The following GMDS variants were observed in gnomAD, a reference collection of about 807,000 sequenced individuals.
GMDS encodes the protein GDP-mannose 4,6-dehydratase, also known as GDP-mannose 4,6 dehydratase.
GMDS carries 20 observed loss-of-function variants against 49.9 expected under a neutral mutation model. The observed-to-expected ratio is 0.40, with a 90% CI of 0.28 to 0.58. The LOEUF is 0.58. Among genes scored for constraint, GMDS ranks in the 20% least tolerant of loss-of-function variants. The pLI is 0.42. For synonymous variants in GMDS, 177 were observed against 178.6 expected (o/e 0.99, Z 0.07); for missense variants, 362 against 481.4 (o/e 0.75, Z 2.32).
At chr6:2,029,625 T>C (rs1218575894) in intron 4 of GMDS, among the ~76,000 whole-genome samples, 2 of 152,202 alleles carry the variant, frequency 1.3e-5, no homozygotes, top group Non-Finnish European at 2.9e-5. Flanking sequence ...TTTGCTCATT[T>C]TACAAGACTT....
chr6:1,743,737 A>AT (rs11458257), intron 7 of GMDS, among the ~76,000 whole-genome samples: 61,585 of 145,894 alleles, frequency 0.42, 13,447 homozygotes, highest in East Asian at 0.65. Context: ...CACCTTAAAG[A>AT]TTTTTTTTTT....
At chr6:1,964,210 T>C (rs1239094218) in intron 4 of GMDS, among the ~76,000 whole-genome samples, 2 of 152,242 alleles carry the variant, frequency 1.3e-5, no homozygotes, top group East Asian at 3.8e-4. Context: ...AAAATATTTT[T>C]AGGTATAAGT....
At chr6:2,081,663 A>G (rs1256803240) in intron 4 of GMDS, among the ~76,000 whole-genome samples, 1 of 152,120 alleles carries the variant, frequency 6.6e-6, no homozygotes, top group African/African-American at 2.4e-5. Flanking sequence ...GCCACACTCT[A>G]TGCTACCACA....
chr6:1,802,562 G>T (rs1004637045), intron 7 of GMDS, among the ~76,000 whole-genome samples: 1 of 152,218 alleles, frequency 6.6e-6, no homozygotes, highest in Non-Finnish European at 1.5e-5. Context: ...GAAAGGGAGA[G>T]GGCAGGCAGG....
At chr6:1,821,085 A>G (rs1032744132) in intron 7 of GMDS, among the ~76,000 whole-genome samples, 1 of 152,228 alleles carries the variant, frequency 6.6e-6, no homozygotes, top group Non-Finnish European at 1.5e-5. Flanking sequence ...GGATGCATAT[A>G]CTGCAACCAA....
Position 1,632,960 on chromosome 6 carries a change from T to C in GMDS, c.988-8420A>G, listed in dbSNP as rs79025597. On this transcript the variant is annotated intron_variant, in intron 9 of 10. Coordinates refer to ENST00000380815, the MANE Select transcript of GMDS (RefSeq NM_001500.4). Reference sequence around the variant, plus strand: ...GGAATCACAACGTGGCTCAACCACTTAACTCTTTCTTAATAACTCTGAGAT... The same window carrying C: ...GGAATCACAACGTGGCTCAACCACTCAACTCTTTCTTAATAACTCTGAGAT... Among the ~76,000 whole-genome samples the C allele has an allele frequency of 1.8e-4, 28 of 152,314 alleles. 1 individual carries two copies. In the East Asian group the frequency reaches 5.2e-3, roughly 28 times the overall value.
At chr6:1,876,216 C>T (rs1759051036) in intron 7 of GMDS, among the ~76,000 whole-genome samples, 1 of 151,454 alleles carries the variant, frequency 6.6e-6, no homozygotes, top group Admixed American at 6.6e-5. Context: ...CGAGATCGCA[C>T]CACTGCACTC....
intron 9 of GMDS, among the ~76,000 whole-genome samples, chr6:1,707,012 T>G (rs142606421): frequency 5.8e-4 from 88 of 152,334 alleles, no homozygotes; most frequent in African/African-American, 2.1e-3. Flanking sequence ...TCCTAACTTA[T>G]AGCCTTCCGA....
At chr6:1,982,272 T>C (rs1370613446) in intron 4 of GMDS, among the ~76,000 whole-genome samples, 3 of 152,066 alleles carry the variant, frequency 2.0e-5, no homozygotes, top group African/African-American at 4.8e-5. Context: ...CTCACAGCCA[T>C]TATCATACTG....
intron 9 of GMDS, among the ~76,000 whole-genome samples, chr6:1,630,498 G>T (rs547104563): frequency 6.6e-6 from 1 of 152,338 alleles, no homozygotes; most frequent in African/African-American, 2.4e-5. Flanking sequence ...GTCCAGCCCT[G>T]TGCAACTTTG....
At chr6:1,838,359 C>T (rs1418292266) in intron 7 of GMDS, among the ~76,000 whole-genome samples, 1 of 152,180 alleles carries the variant, frequency 6.6e-6, no homozygotes, top group Non-Finnish European at 1.5e-5. Flanking sequence ...GTAGTTCTCT[C>T]AAACACTAGC....
intron 7 of GMDS, among the ~76,000 whole-genome samples, chr6:1,851,499 G>A (rs569130960): frequency 1.3e-5 from 2 of 152,222 alleles, no homozygotes; most frequent in Admixed American, 1.3e-4. Context: ...GCAGGGATTT[G>A]TTTCTTTCCT....
intron 6 of GMDS, chr6:1,949,152 A>G (rs1298098509): frequency 3.6e-6 from 1 of 277,176 alleles, no homozygotes; most frequent in African/African-American, 2.3e-5. Flanking sequence ...TATGAAATAA[A>G]TCTTCAAAAT....
At position 2,025,873 on chromosome 6, in the gene GMDS, GATT is replaced by G. The variant is rs370769728; in HGVS notation, c.346-64910_346-64908del. Among the ~76,000 whole-genome samples the G allele has an allele frequency of 4.8e-3, 723 of 152,156 alleles. 8 individuals are homozygous for G. The highest frequency in any genetic ancestry group is 0.037 in the Middle Eastern group (11 of 294). On this transcript the variant is annotated intron_variant, in intron 4 of 10. Transcript: ENST00000380815. ...CCTGAATAATCAGCTCTGTAAATTA[GATT>G]ATTCTAACAGTCACATGGCAAATTA...
At chr6:2,159,894 C>T (rs2127544480) in intron 1 of GMDS, among the ~76,000 whole-genome samples, 1 of 152,060 alleles carries the variant, frequency 6.6e-6, no homozygotes, top group African/African-American at 2.4e-5. Context: ...AAACATCTTC[C>T]AATATATTTA....
At chr6:1,980,721 C>T (rs1191646141) in intron 4 of GMDS, among the ~76,000 whole-genome samples, 1 of 152,112 alleles carries the variant, frequency 6.6e-6, no homozygotes, top group Non-Finnish European at 1.5e-5. Context: ...ATTTACAGAA[C>T]TGTCCACCCA....
At chr6:1,906,173 C>T (rs763851178) in intron 7 of GMDS, among the ~76,000 whole-genome samples, 1 of 152,210 alleles carries the variant, frequency 6.6e-6, no homozygotes, top group Non-Finnish European at 1.5e-5. Context: ...AGTGCTATCA[C>T]ATTTCAAAGC....
chr6:1,657,186 C>G (rs1230330234), intron 9 of GMDS, among the ~76,000 whole-genome samples: 1 of 152,224 alleles, frequency 6.6e-6, no homozygotes, highest in Non-Finnish European at 1.5e-5. Flanking sequence ...AGACTACTGA[C>G]AAGCATGAAG....
At position 2,129,218 on chromosome 6, in the gene GMDS, A is replaced by G. The variant is rs140434327; in HGVS notation, c.103-4487T>C. On this transcript the variant is annotated intron_variant, in intron 1 of 10. Transcript: ENST00000380815. ...ACACAGAAAGTTTCTGTGTTTCTCA[A>G]TGACCACAGATGGCTAAAAAAAAGA... 1.4e-4 allele frequency among the ~76,000 whole-genome samples: 22 copies of G among 152,256 alleles called. No homozygotes were observed. The East Asian group carries it at 4.2e-3, about 29-fold the overall frequency.
Sources: allele counts gnomAD v4.1 joint callset (sites outside exome capture counted in the v4.1 genomes callset), GRCh38; gene constraint gnomAD v4.1.1; transcripts MANE v1.5; gene names NCBI Gene and HGNC (gene_info 2026-07-23, HGNC 2026-07-21).